The following RORA variants were observed in gnomAD, a reference collection of about 807,000 sequenced individuals.
The protein encoded by RORA is nuclear receptor ROR-alpha.
RORA carries 7 observed loss-of-function variants against 69.5 expected under a neutral mutation model. The ratio of observed to expected loss-of-function variants is 0.10; its 90% CI spans 0.06 to 0.19. The LOEUF (loss-of-function observed/expected upper bound fraction) is 0.19, where lower values mean the gene tolerates loss of function less well. Among genes scored for constraint, RORA ranks in the 10% least tolerant of loss-of-function variants. The pLI, the probability that RORA is intolerant of heterozygous loss-of-function variation, is 1.00. For synonymous variants in RORA, 261 were observed against 240.8 expected (o/e 1.08, Z -0.78); for missense variants, 457 against 663.0 (o/e 0.69, Z 3.41).
intron 1 of RORA, among the ~76,000 whole-genome samples, chr15:61,204,950 G>A (rs1207582752): frequency 6.6e-6 from 1 of 152,218 alleles, no homozygotes; most frequent in Non-Finnish European, 1.5e-5. Context: ...CGAACATTCT[G>A]TTCAGGCTTT....
intron 1 of RORA, among the ~76,000 whole-genome samples, chr15:60,831,527 A>T (rs1053629451): frequency 1.2e-4 from 19 of 152,198 alleles, no homozygotes; most frequent in African/African-American, 4.6e-4. Context: ...GCAGGTCCTT[A>T]CATTTGCTAT....
At chr15:60,987,717 C>G (rs1302911333) in intron 1 of RORA, among the ~76,000 whole-genome samples, 1 of 152,166 alleles carries the variant, frequency 6.6e-6, no homozygotes, top group Admixed American at 6.5e-5. Context: ...CACTGAGTAT[C>G]CACTTAGGGA....
intron 1 of RORA, among the ~76,000 whole-genome samples, chr15:60,808,836 T>C (rs2072699540): frequency 6.6e-6 from 1 of 152,012 alleles, no homozygotes. Context: ...GAAATAATGG[T>C]GTTTGCAGCA....
intron 2 of RORA, among the ~76,000 whole-genome samples, chr15:60,624,442 G>A (rs916503832): frequency 1.7e-5 from 2 of 119,970 alleles, no homozygotes; most frequent in Non-Finnish European, 3.3e-5. Flanking sequence ...ATTACCACAT[G>A]TATGGAAGAG....
rs150213719 is a variant in RORA at position 61,061,489 on chromosome 15, G to C, written c.166+167564C>G. Among the ~76,000 whole-genome samples, 1 of 152,150 alleles carries C rather than the reference G, an allele frequency of 6.6e-6. No individual in the cohort carries two copies. ...CTGAGAGCTATGGATGCTGTGAGCA[G>C]GGGCTTGGTAGGCCAGGATAGACAA... On this transcript the variant is annotated intron_variant, in intron 1 of 10. Coordinates refer to ENST00000335670, the MANE Select transcript of RORA (RefSeq NM_134261.3). The surrounding 1 kb of genome is among the most constrained non-coding windows in gnomAD (Gnocchi z 4.4).
chr15:60,629,006 C>T (rs748505395), intron 2 of RORA, among the ~76,000 whole-genome samples: 8 of 152,036 alleles, frequency 5.3e-5, no homozygotes, highest in Non-Finnish European at 1.2e-4. Context: ...CTGAAGTCCA[C>T]AGGTATTTCT....
intron 1 of RORA, among the ~76,000 whole-genome samples, chr15:60,866,461 T>C (rs2073487970): frequency 6.6e-6 from 1 of 152,210 alleles, no homozygotes; most frequent in Admixed American, 6.5e-5. Context: ...GGCAAAATCA[T>C]CATCTTTTAT....
intron 1 of RORA, among the ~76,000 whole-genome samples, chr15:60,756,883 C>T (rs993557286): frequency 6.6e-6 from 1 of 152,058 alleles, no homozygotes; most frequent in African/African-American, 2.4e-5. Flanking sequence ...TCATTTCTTA[C>T]ATAATTAAAG....
At chr15:61,146,744 A>G (rs2079353362) in intron 1 of RORA, among the ~76,000 whole-genome samples, 1 of 152,194 alleles carries the variant, frequency 6.6e-6, no homozygotes, top group Non-Finnish European at 1.5e-5. Flanking sequence ...ACATTACACA[A>G]GATATTAAGT....
At chr15:60,912,585 T>A (rs960677050) in intron 1 of RORA, among the ~76,000 whole-genome samples, 1 of 151,950 alleles carries the variant, frequency 6.6e-6, no homozygotes, top group Non-Finnish European at 1.5e-5. Context: ...AAACCCCATC[T>A]CTACTAAAAA....
rs1567002350 is a variant in RORA at position 61,128,902 on chromosome 15, G to C, written c.166+100151C>G. On this transcript the variant is annotated intron_variant, in intron 1 of 10. Coordinates refer to ENST00000335670, the MANE Select transcript of RORA (RefSeq NM_134261.3). This position sits in a 1 kb window ranked among gnomAD's most constrained non-coding sequence, Gnocchi z 4.5. ...CGCTCATTTACATGGGACCCAAGAA[G>C]AGACACTGGCCGTGGCACCACGTGC... is the stretch of plus-strand genomic sequence containing the variant. Among the ~76,000 whole-genome samples, 1 of 152,248 alleles carries C rather than the reference G, an allele frequency of 6.6e-6. No individual in the cohort carries two copies. Among genetic ancestry groups the C allele is most frequent in the Non-Finnish European group, 1.5e-5 (1 of 68,042 alleles).
intron 1 of RORA, among the ~76,000 whole-genome samples, chr15:61,165,358 C>G (rs916402274): frequency 3.3e-5 from 5 of 152,296 alleles, no homozygotes; most frequent in Non-Finnish European, 7.4e-5. Flanking sequence ...CTGTGTGTAT[C>G]CAGCTCCCCT....
chr15:60,676,327 G>A (rs942682554), intron 2 of RORA, among the ~76,000 whole-genome samples: 4 of 152,128 alleles, frequency 2.6e-5, no homozygotes, highest in African/African-American at 9.7e-5. Flanking sequence ...ATGTTCAAGT[G>A]GCATGGAGGA....
chr15:61,152,771 G>A (rs2079408557), intron 1 of RORA, among the ~76,000 whole-genome samples: 1 of 152,248 alleles, frequency 6.6e-6, no homozygotes, highest in Middle Eastern at 3.4e-3. Flanking sequence ...ACTACATCAT[G>A]CCAGGCTTTA....
intron 1 of RORA, among the ~76,000 whole-genome samples, chr15:60,728,252 A>G (rs1229037553): frequency 1.3e-5 from 2 of 152,172 alleles, no homozygotes; most frequent in Non-Finnish European, 2.9e-5. Flanking sequence ...CCCAGGCTAA[A>G]ATACTTTTTT....
chr15:60,542,242 A>G (rs370533906), intron 2 of RORA, among the ~76,000 whole-genome samples: 1 of 152,170 alleles, frequency 6.6e-6, no homozygotes, highest in African/African-American at 2.4e-5. Flanking sequence ...GGCACAGCTT[A>G]CTGTCAAAGC....
chr15:61,186,874 G>A (rs941035873), intron 1 of RORA, among the ~76,000 whole-genome samples: 1 of 152,174 alleles, frequency 6.6e-6, no homozygotes, highest in African/African-American at 2.4e-5. Context: ...GAGGTCAGAG[G>A]TAAAATCAGG....
At chr15:61,088,188 A>G (rs2078653496) in intron 1 of RORA, among the ~76,000 whole-genome samples, 1 of 152,246 alleles carries the variant, frequency 6.6e-6, no homozygotes, top group Non-Finnish European at 1.5e-5. Flanking sequence ...GTGTCAAAAC[A>G]GAGCTCGAGA....
rs780692217 is a variant in RORA at position 60,511,655 on chromosome 15, A to G, written c.425-34T>C. On this transcript the variant is annotated intron_variant, in intron 4 of 10. Transcript: ENST00000335670. The surrounding 1 kb of genome is among the most constrained non-coding windows in gnomAD (Gnocchi z 6.4). ...AAAAAGCCAAACCATACTACATACA[A>G]TGCGCTTTTCTTCAATATTCTCTCC... 4 of 1,552,356 alleles carry G rather than the reference A, an allele frequency of 2.6e-6. No homozygotes were observed. The highest frequency in any genetic ancestry group is 1.2e-5 in the South Asian group (1 of 80,798).
Sources: allele counts gnomAD v4.1 joint callset (sites outside exome capture counted in the v4.1 genomes callset), GRCh38; gene constraint gnomAD v4.1.1; non-coding constraint Gnocchi (gnomAD v3.1); transcripts MANE v1.5; gene names NCBI Gene and HGNC (gene_info 2026-07-23, HGNC 2026-07-21).